Variants in LRFN5 observed in about 807,000 individuals in gnomAD.
LRFN5 encodes leucine rich repeat and fibronectin type III domain containing 5.
A neutral mutation model predicts 45.6 loss-of-function variants in LRFN5; 24 were observed. The observed-to-expected ratio is 0.53, with a 90% CI of 0.38 to 0.74. The LOEUF (loss-of-function observed/expected upper bound fraction) is 0.74. Among genes scored for constraint, LRFN5 ranks in the 30% least tolerant of loss-of-function variants. The pLI is 0.00. For missense variants in LRFN5, 776 were observed against 861.5 expected (o/e 0.90, Z 1.24); for synonymous variants, 340 against 313.8 (o/e 1.08, Z -0.88).
At chr14:41,610,683 A>AAAAAAAAAAAAAAAAAAAAAAAT (rs1887720009) in intron 1 of LRFN5, among the ~76,000 whole-genome samples, 2 of 144,660 alleles carry the variant, frequency 1.4e-5, no homozygotes, top group Non-Finnish European at 1.5e-5. Context: ...AAAAAAAAAA[A>AAAAAAAAAAAAAAAAAAAAAAAT]GTGTATTGCC....
chr14:41,641,626 A>G (rs1046469036), intron 1 of LRFN5, among the ~76,000 whole-genome samples: 13 of 152,094 alleles, frequency 8.5e-5, no homozygotes, highest in Non-Finnish European at 1.5e-5. Flanking sequence ...TTAAATGCCA[A>G]TTTGCTCTTT....
At chr14:41,675,000 C>G (rs1224996318) in intron 1 of LRFN5, among the ~76,000 whole-genome samples, 5 of 143,476 alleles carry the variant, frequency 3.5e-5, no homozygotes, top group African/African-American at 1.3e-4. Context: ...ACATCTCAGA[C>G]GATGGGCGGC....
chr14:41,735,393 G>C (rs1350762382), intron 1 of LRFN5, among the ~76,000 whole-genome samples: 1 of 151,760 alleles, frequency 6.6e-6, no homozygotes, highest in Non-Finnish European at 1.5e-5. Context: ...TCAGCCTGCT[G>C]ACTAGCTGGG....
chr14:41,706,702 T>A (rs1037425866), intron 1 of LRFN5, among the ~76,000 whole-genome samples: 3 of 152,330 alleles, frequency 2.0e-5, no homozygotes, highest in Admixed American at 2.0e-4. Context: ...CATCTTTTTA[T>A]GTGTTTGCGG....
At chr14:41,689,511 T>C (rs962468903) in intron 1 of LRFN5, among the ~76,000 whole-genome samples, 4 of 152,112 alleles carry the variant, frequency 2.6e-5, no homozygotes, top group East Asian at 3.9e-4. Flanking sequence ...AATAAATAAA[T>C]TCCTAGAAAG....
intron 2 of LRFN5, among the ~76,000 whole-genome samples, chr14:41,800,490 T>G (rs118084155): frequency 0.015 from 2,256 of 151,810 alleles, 16 homozygotes; most frequent in Middle Eastern, 0.034. Flanking sequence ...AATTGTATGA[T>G]TATATTAAAT....
At chr14:41,669,971 G>A (rs1052246254) in intron 1 of LRFN5, among the ~76,000 whole-genome samples, 10 of 137,116 alleles carry the variant, frequency 7.3e-5, no homozygotes, top group Non-Finnish European at 1.6e-4. Flanking sequence ...GAAAAAAATA[G>A]TTAAAAATAT....
rs146567669 is a variant in LRFN5 at position 41,655,214 on chromosome 14, T to C, written c.-197+46652T>C. On this transcript the variant is annotated intron_variant, in intron 1 of 5. Coordinates refer to ENST00000298119, the MANE Select transcript of LRFN5 (RefSeq NM_152447.5). ...TCTCCAAACAAGCAAACAAATAAAA[T>C]ACATGTGCAGCTGCTAATAGATTCT... Among the ~76,000 whole-genome samples the C allele has an allele frequency of 2.8e-4, 43 of 151,910 alleles. No individual in the cohort carries two copies. In the East Asian group the frequency reaches 7.8e-3, roughly 27 times the overall value.
intron 2 of LRFN5, among the ~76,000 whole-genome samples, chr14:41,788,342 C>T (rs188758168): frequency 2.7e-5 from 4 of 150,526 alleles, no homozygotes; most frequent in Admixed American, 2.0e-4. Context: ...ATTCATTCTC[C>T]TTGTTCCATT....
At chr14:41,732,459 T>G (rs898979867) in intron 1 of LRFN5, among the ~76,000 whole-genome samples, 2 of 152,126 alleles carry the variant, frequency 1.3e-5, no homozygotes, top group Non-Finnish European at 2.9e-5. Context: ...AAAATACATA[T>G]ATTAGGTAAA....
chr14:41,610,661 TAAAAA>T (rs199770856), intron 1 of LRFN5, among the ~76,000 whole-genome samples: 9 of 37,352 alleles, frequency 2.4e-4, no homozygotes, highest in South Asian at 7.7e-4. Flanking sequence ...CCAGGGAAGG[TAAAAA>T]AAAAAAAAAA....
chr14:41,753,822 A>AGAGG (rs1885246970), intron 1 of LRFN5, among the ~76,000 whole-genome samples: 1 of 152,136 alleles, frequency 6.6e-6, no homozygotes, highest in African/African-American at 2.4e-5. Context: ...GAGTGGTGAG[A>AGAGG]GAGGGCATCC....
chr14:41,677,684 A>G (rs1471463723), intron 1 of LRFN5, among the ~76,000 whole-genome samples: 1 of 152,144 alleles, frequency 6.6e-6, no homozygotes, highest in African/African-American at 2.4e-5. Flanking sequence ...TGAGATAGAT[A>G]ATAGTTATGT....
intron 1 of LRFN5, among the ~76,000 whole-genome samples, chr14:41,697,857 A>G (rs1882682016): frequency 6.6e-6 from 1 of 151,970 alleles, no homozygotes; most frequent in Non-Finnish European, 1.5e-5. Context: ...TTTATATCAT[A>G]GATATAGTGA....
intron 2 of LRFN5, among the ~76,000 whole-genome samples, chr14:41,821,859 G>A (rs553498973): frequency 6.6e-6 from 1 of 151,470 alleles, no homozygotes; most frequent in African/African-American, 2.4e-5. Flanking sequence ...GTCTACTCAA[G>A]TTTTCTATTT....
At chr14:41,870,298 CT>C (rs1337589065) in intron 2 of LRFN5, among the ~76,000 whole-genome samples, 4 of 152,112 alleles carry the variant, frequency 2.6e-5, no homozygotes, top group Admixed American at 2.6e-4. Context: ...AAATACCTTC[CT>C]TCAAACGATT....
intron 1 of LRFN5, among the ~76,000 whole-genome samples, chr14:41,642,993 TA>T (rs1157860441): frequency 6.6e-6 from 1 of 152,184 alleles, no homozygotes; most frequent in African/African-American, 2.4e-5. Context: ...GCGCAAGTAA[TA>T]AAAATGGGAT....
In LRFN5 at chr14:41,838,814, C is replaced by T. The variant is rs142449134; in HGVS notation, c.-20-47792C>T. 9.6e-3 allele frequency among the ~76,000 whole-genome samples: 1,458 copies of T among 152,152 alleles called. 9 individuals are homozygous for T. Among genetic ancestry groups the T allele is most frequent in the Admixed American group, 0.022 (340 of 15,274 alleles). ...GGAATGTTGACTAGAAAATAGATAGCGCTAAAATTATTGGTGGCCATGAAT... is the reference window on the plus strand; with the variant it reads ...GGAATGTTGACTAGAAAATAGATAGTGCTAAAATTATTGGTGGCCATGAAT... On this transcript the variant is annotated intron_variant, in intron 2 of 5. Coordinates refer to ENST00000298119, the MANE Select transcript of LRFN5 (RefSeq NM_152447.5).
chr14:41,831,433 A>G (rs1455510448), intron 2 of LRFN5, among the ~76,000 whole-genome samples: 1 of 152,210 alleles, frequency 6.6e-6, no homozygotes, highest in African/African-American at 2.4e-5. Flanking sequence ...ACATATATAC[A>G]TGCCACAGAT....
Sources: allele counts gnomAD v4.1 joint callset (sites outside exome capture counted in the v4.1 genomes callset), GRCh38; gene constraint gnomAD v4.1.1; transcripts MANE v1.5; gene names NCBI Gene and HGNC (gene_info 2026-07-23, HGNC 2026-07-21).